Variants in MTMR7 observed in about 807,000 individuals in gnomAD.
MTMR7 encodes the protein myotubularin related protein 7.
A neutral mutation model predicts 81.2 loss-of-function variants in MTMR7; 76 were observed. The ratio of observed to expected loss-of-function variants is 0.94; its 90% CI spans 0.78 to 1.13. MTMR7 has a LOEUF of 1.13. Among genes scored for constraint, MTMR7 ranks in the 50% most tolerant of loss-of-function variants. MTMR7 has a pLI of 0.00. For missense variants in MTMR7, 1,044 were observed against 820.0 expected (o/e 1.27, Z -3.34); for synonymous variants, 372 against 289.8 (o/e 1.28, Z -2.88).
intron 7 of MTMR7, 40 bp from the exon 8 acceptor site, chr8:17,313,441 C>T: frequency 1.5e-6 from 2 of 1,302,634 alleles, no homozygotes; most frequent in East Asian, 2.3e-5. Context: ...AATTAAGGTA[C>T]TCTCTCATTT....
At chr8:17,328,079 C>T (rs1280723648) in intron 7 of MTMR7, among the ~76,000 whole-genome samples, 17 of 152,130 alleles carry the variant, frequency 1.1e-4, no homozygotes, top group Non-Finnish European at 2.4e-4. Context: ...CTAACAGTCA[C>T]GTGGAAGGTA....
chr8:17,412,677 G>A (rs1261543487), intron 1 of MTMR7, among the ~76,000 whole-genome samples: 1 of 152,084 alleles, frequency 6.6e-6, no homozygotes, highest in Non-Finnish European at 1.5e-5. Flanking sequence ...CGAACAAAAC[G>A]GACTGGAAAA....
chr8:17,340,378 A>G (rs1239976975), intron 6 of MTMR7, among the ~76,000 whole-genome samples: 2 of 152,236 alleles, frequency 1.3e-5, no homozygotes, highest in Admixed American at 1.3e-4. Flanking sequence ...CTCCTCAGTC[A>G]CAGGTCCAGG....
chr8:17,368,497 C>A (rs1442996561), intron 3 of MTMR7, among the ~76,000 whole-genome samples: 1 of 152,204 alleles, frequency 6.6e-6, no homozygotes, highest in East Asian at 1.9e-4. Context: ...TATTCTCATG[C>A]CCTTAAAGGC....
intron 6 of MTMR7, among the ~76,000 whole-genome samples, chr8:17,339,326 T>C (rs1417292898): frequency 1.3e-5 from 2 of 152,206 alleles, no homozygotes; most frequent in Non-Finnish European, 2.9e-5. Flanking sequence ...CAATGGTGTT[T>C]GGTATACCCA....
At chr8:17,376,968 C>T (rs112254923) in intron 1 of MTMR7, among the ~76,000 whole-genome samples, 7 of 152,008 alleles carry the variant, frequency 4.6e-5, no homozygotes, top group Admixed American at 2.0e-4. Context: ...CTTGAAATCA[C>T]GACTACGTAA....
At chr8:17,334,368 C>T (rs746548735) in intron 6 of MTMR7, among the ~76,000 whole-genome samples, 9 of 152,168 alleles carry the variant, frequency 5.9e-5, no homozygotes, top group Non-Finnish European at 1.2e-4. Flanking sequence ...ACATCAAATA[C>T]GGTCCTCTGT....
chr8:17,407,155 T>C (rs73211153), intron 1 of MTMR7, among the ~76,000 whole-genome samples: 8,178 of 152,100 alleles, frequency 0.054, 481 homozygotes, highest in East Asian at 0.34. Context: ...ACACACACTA[T>C]ACACACACAC....
intron 7 of MTMR7, among the ~76,000 whole-genome samples, chr8:17,328,252 C>A (rs2106017): frequency 0.29 from 43,862 of 151,980 alleles, 7,184 homozygotes; most frequent in South Asian, 0.54. Context: ...GTGGGGCACA[C>A]CCTCAACAAG....
At chr8:17,400,790 T>C (rs916297779) in intron 1 of MTMR7, among the ~76,000 whole-genome samples, 12 of 152,212 alleles carry the variant, frequency 7.9e-5, no homozygotes, top group African/African-American at 2.9e-4. Context: ...AATGAAGCAA[T>C]CCACTTAAAA....
intron 1 of MTMR7, among the ~76,000 whole-genome samples, chr8:17,392,345 C>T (rs923629108): frequency 6.6e-6 from 1 of 152,148 alleles, no homozygotes; most frequent in African/African-American, 2.4e-5. Flanking sequence ...TAAATAATGG[C>T]TCAAGTAGAC....
chr8:17,384,929 T>C (rs1039312003), intron 1 of MTMR7, among the ~76,000 whole-genome samples: 3 of 152,256 alleles, frequency 2.0e-5, no homozygotes, highest in Non-Finnish European at 2.9e-5. Flanking sequence ...CAAGAAAATA[T>C]ATGACACATA....
intron 1 of MTMR7, among the ~76,000 whole-genome samples, chr8:17,375,838 C>A (rs1215660617): frequency 1.3e-5 from 2 of 152,086 alleles, no homozygotes; most frequent in East Asian, 3.9e-4. Context: ...TTCAGAGTAA[C>A]TATAAATAGC....
intron 10 of MTMR7, among the ~76,000 whole-genome samples, chr8:17,308,296 C>A (rs1321539716): frequency 6.6e-6 from 1 of 152,072 alleles, no homozygotes; most frequent in African/African-American, 2.4e-5. Flanking sequence ...ATCCTAACTG[C>A]CTAGCGTGTA....
intron 1 of MTMR7, among the ~76,000 whole-genome samples, chr8:17,409,979 C>G (rs1377497706): frequency 6.6e-6 from 1 of 152,134 alleles, no homozygotes; most frequent in Non-Finnish European, 1.5e-5. Context: ...GTAGGAAGGG[C>G]TCAGTCTACA....
At chr8:17,342,767 C>A (rs892969325) in intron 5 of MTMR7, among the ~76,000 whole-genome samples, 6 of 152,012 alleles carry the variant, frequency 3.9e-5, no homozygotes, top group African/African-American at 1.4e-4. Flanking sequence ...ATTGAGAATC[C>A]AGGGGGACAA....
chr8:17,413,175 C>T (rs1821783559), intron 1 of MTMR7, 94 bp downstream of exon 1: 1 of 1,419,896 alleles, frequency 7.0e-7, no homozygotes, highest in South Asian at 1.2e-5. Flanking sequence ...CGCCGGTGCC[C>T]CTCAAAGCAG....
intron 6 of MTMR7, 105 bp from the exon 7 acceptor site, chr8:17,331,387 G>A (rs1417223589): frequency 1.6e-6 from 2 of 1,213,490 alleles, no homozygotes; most frequent in South Asian, 1.6e-5. Flanking sequence ...TCAGAATGAT[G>A]TACGGAAACA....
At chr8:17,402,400 C>G (rs1821452516) in intron 1 of MTMR7, among the ~76,000 whole-genome samples, 1 of 152,120 alleles carries the variant, frequency 6.6e-6, no homozygotes, top group African/African-American at 2.4e-5. Context: ...CCCTCACCTG[C>G]CCCAGACCCC....
Sources: gnomAD v4.1 joint callset for allele counts (sites outside exome capture counted in the v4.1 genomes callset) on GRCh38, gnomAD v4.1.1 for gene constraint, MANE v1.5 for transcripts, NCBI Gene and HGNC (gene_info 2026-07-23, HGNC 2026-07-21) for gene names.